Variants in DNAJB6 observed in about 807,000 individuals in gnomAD.
DNAJB6 encodes the protein dnaJ homolog subfamily B member 6.
DNAJB6 carries 16 observed loss-of-function variants against 42.7 expected under a neutral mutation model. The observed-to-expected ratio is 0.37, with a 90% CI of 0.25 to 0.57. The LOEUF (loss-of-function observed/expected upper bound fraction) is 0.57, where lower values mean the gene tolerates loss of function less well. Ranked by LOEUF, DNAJB6 falls within the 20% of genes least tolerant of loss-of-function variation. DNAJB6 has a pLI of 0.74. For missense variants in DNAJB6, 347 were observed against 416.8 expected (o/e 0.83, Z 1.46); for synonymous variants, 170 against 163.5 (o/e 1.04, Z -0.30).
rs192272714 is a variant in DNAJB6, at chr7:157,340,628, G to A, written c.-27+3484G>A. 4.6e-5 allele frequency among the ~76,000 whole-genome samples: 7 copies of A among 152,064 alleles called. No individual in the cohort carries two copies. The East Asian group carries it at 1.2e-3, about 25-fold the overall frequency. The stretch of plus-strand genomic sequence containing the variant: ...ATAAATCACTGTTGACCTGTTTCAT[G>A]TTCCTGGAGATATCCTACTTGAGAA... On this transcript the variant is annotated intron_variant, in intron 1 of 9. Transcript: ENST00000262177.
chr7:157,395,100 GC>G (rs912139519), intron 8 of DNAJB6, among the ~76,000 whole-genome samples: 3 of 127,594 alleles, frequency 2.4e-5, no homozygotes, highest in East Asian at 4.1e-4. Flanking sequence ...TGCCCGCCGC[GC>G]CCCCCCACCT....
At chr7:157,404,284 GTTTT>G (rs199978706) in intron 8 of DNAJB6, among the ~76,000 whole-genome samples, 3 of 144,342 alleles carry the variant, frequency 2.1e-5, no homozygotes, top group Non-Finnish European at 4.6e-5. Context: ...CTACTGTGCA[GTTTT>G]TTTTTTCTTT....
At chr7:157,366,425 A>G (rs1799846761) in intron 3 of DNAJB6, 77 bp from the exon 4 acceptor site, 3 of 1,326,718 alleles carry the variant, frequency 2.3e-6, no homozygotes, top group Admixed American at 1.8e-5. Context: ...CTGATTTACA[A>G]CTGGGGAAAT....
chr7:157,389,735 CAGCTATTCCTGT>C (rs1172608960), intron 8 of DNAJB6, among the ~76,000 whole-genome samples: 1 of 152,206 alleles, frequency 6.6e-6, no homozygotes, highest in Non-Finnish European at 1.5e-5. Context: ...AATGTCACAG[CAGCTATTCCTGT>C]GTTAGAAATC....
chr7:157,344,340 ACTCC>A (rs1798572934), intron 1 of DNAJB6, among the ~76,000 whole-genome samples: 1 of 148,276 alleles, frequency 6.7e-6, no homozygotes, highest in Non-Finnish European at 1.5e-5. Flanking sequence ...ACAGAGTGAG[ACTCC>A]GTCTCAAAAA....
intron 9 of DNAJB6, 194 bp downstream of exon 9, chr7:157,410,195 CG>C (rs1436292457): frequency 3.0e-6 from 4 of 1,337,664 alleles, no homozygotes; most frequent in Non-Finnish European, 3.9e-6. Context: ...ACGGTGGCTC[CG>C]GGCCCCCCAC....
intron 8 of DNAJB6, among the ~76,000 whole-genome samples, chr7:157,405,103 A>G (rs892470193): frequency 6.6e-6 from 1 of 152,202 alleles, no homozygotes; most frequent in Non-Finnish European, 1.5e-5. Flanking sequence ...GCCTTGGTGA[A>G]CACGTGCTGC....
chr7:157,397,484 T>G (rs1023012559), intron 8 of DNAJB6, among the ~76,000 whole-genome samples: 2 of 152,204 alleles, frequency 1.3e-5, no homozygotes, highest in African/African-American at 4.8e-5. Context: ...TTTGGCCTTT[T>G]GTTGGCGGGG....
At chr7:157,338,409 C>T (rs1300988172) in intron 1 of DNAJB6, among the ~76,000 whole-genome samples, 2 of 152,072 alleles carry the variant, frequency 1.3e-5, no homozygotes, top group Non-Finnish European at 2.9e-5. Context: ...TCTCCACTCA[C>T]TGCAACTTCC....
At chr7:157,394,519 C>A (rs958471599) in intron 8 of DNAJB6, among the ~76,000 whole-genome samples, 10 of 138,654 alleles carry the variant, frequency 7.2e-5, no homozygotes, top group African/African-American at 2.6e-4. Context: ...TGGAGTGAGA[C>A]CCTGTCTCAG....
chr7:157,344,029 T>C (rs1798555445), intron 1 of DNAJB6, among the ~76,000 whole-genome samples: 1 of 152,178 alleles, frequency 6.6e-6, no homozygotes, highest in South Asian at 2.1e-4. Context: ...TAAAGAAGTT[T>C]CATAATTGTT....
intron 8 of DNAJB6, among the ~76,000 whole-genome samples, chr7:157,386,813 G>C (rs1378558284): frequency 2.0e-5 from 3 of 152,038 alleles, no homozygotes; most frequent in African/African-American, 7.2e-5. Flanking sequence ...GAACCCGGGA[G>C]GTGGACGTTG....
intron 5 of DNAJB6, 44 bp from the exon 6 acceptor site, chr7:157,382,202 C>A: frequency 6.6e-7 from 1 of 1,522,830 alleles, no homozygotes; most frequent in Admixed American, 2.4e-5. Flanking sequence ...AGGAAAAAAA[C>A]TTGAAAAAAA....
chr7:157,409,981 A>G lies in DNAJB6; in HGVS notation c.878A>G (p.Asp293Gly). The change falls in exon 9 of 10, where the codon GAC becomes GGC. Residue 293 changes from aspartate (D) to glycine (G), a missense_variant. Asp to Gly is a moderately conservative substitution (Grantham distance 94). Transcript: ENST00000262177. ...CGACCTCGGGCACCCGGGCCCTGGG[A>G]CCCCCTCGCGTCCGCAGCAGGTGTG... ...QDRPRAPGPW[D>G]PLASAAGLKE... is the part of the protein sequence containing the mutation. The G allele has an allele frequency of 6.5e-7, 1 of 1,533,186 alleles. No homozygotes were observed. The highest frequency in any genetic ancestry group is 8.7e-7 in the Non-Finnish European group (1 of 1,143,108). 95.0% of individuals were successfully genotyped at this position (1,533,186 alleles called of 1,614,324 possible).
At chr7:157,401,152 C>T (rs1035838569) in intron 8 of DNAJB6, among the ~76,000 whole-genome samples, 4 of 152,202 alleles carry the variant, frequency 2.6e-5, no homozygotes, top group Admixed American at 1.3e-4. Context: ...GGCTCCTCCT[C>T]CTGTATCAAA....
chr7:157,369,491 C>T, intron 5 of DNAJB6: 1 of 447,110 alleles, frequency 2.2e-6, no homozygotes, highest in Non-Finnish European at 4.5e-6. Flanking sequence ...ACGGGCTGTC[C>T]TCGTGATGTC....
At chr7:157,353,747 C>T (rs919663545) in intron 1 of DNAJB6, among the ~76,000 whole-genome samples, 8 of 152,122 alleles carry the variant, frequency 5.3e-5, no homozygotes, top group Non-Finnish European at 1.2e-4. Context: ...GTAGCCTTGA[C>T]AACCTTCCTG....
chr7:157,399,647 A>G (rs1028437205), intron 8 of DNAJB6, among the ~76,000 whole-genome samples: 5 of 151,808 alleles, frequency 3.3e-5, no homozygotes, highest in Admixed American at 6.6e-5. Flanking sequence ...ATGTGACTAT[A>G]TATCTATATA....
At chr7:157,391,694 C>CT (rs1287549019) in intron 8 of DNAJB6, among the ~76,000 whole-genome samples, 1 of 152,246 alleles carries the variant, frequency 6.6e-6, no homozygotes, top group Non-Finnish European at 1.5e-5. Context: ...TATTGATGTC[C>CT]TTTTCCACAT....
Sources: gnomAD v4.1 joint callset for allele counts (sites outside exome capture counted in the v4.1 genomes callset) on GRCh38, gnomAD v4.1.1 for gene constraint, MANE v1.5 for transcripts, NCBI Gene and HGNC (gene_info 2026-07-23, HGNC 2026-07-21) for gene names.